Variants in ETV6 observed in about 807,000 individuals in gnomAD.
ETV6 encodes transcription factor ETV6.
In ETV6, 16 loss-of-function variants were observed where a neutral mutation model predicts 51.1. The observed-to-expected ratio is 0.31, with a 90% CI of 0.21 to 0.48. The LOEUF is 0.48. ETV6 is among the 20% of genes least tolerant of loss of function. The probability of loss-of-function intolerance (pLI) is 0.99; values close to 1 mark genes in which losing one functional copy is unlikely to be tolerated. For missense variants in ETV6, 458 were observed against 594.8 expected (o/e 0.77, Z 2.39); for synonymous variants, 240 against 224.1 (o/e 1.07, Z -0.64).
chr12:11,814,053 C>T (rs1051906765), intron 2 of ETV6, among the ~76,000 whole-genome samples: 1 of 152,102 alleles, frequency 6.6e-6, no homozygotes, highest in Non-Finnish European at 1.5e-5. Flanking sequence ...GGTAAAACCT[C>T]CATTATCTGA....
At chr12:11,868,781 G>A (rs1946829196) in intron 4 of ETV6, among the ~76,000 whole-genome samples, 1 of 152,132 alleles carries the variant, frequency 6.6e-6, no homozygotes, top group South Asian at 2.1e-4. Flanking sequence ...AAACCTGTAA[G>A]AACCCTTCCA....
At chr12:11,796,601 A>G (rs750254684) in intron 2 of ETV6, among the ~76,000 whole-genome samples, 2 of 152,158 alleles carry the variant, frequency 1.3e-5, no homozygotes, top group Non-Finnish European at 2.9e-5. Flanking sequence ...TCTTACTCTT[A>G]TACATCATCT....
intron 2 of ETV6, among the ~76,000 whole-genome samples, chr12:11,772,921 G>A (rs1387172502): frequency 2.0e-5 from 3 of 152,140 alleles, no homozygotes; most frequent in African/African-American, 7.2e-5. Flanking sequence ...TTGGCCAGGT[G>A]CAGTGGCTCA....
In ETV6 at chr12:11,649,814, G is replaced by C. The variant is rs1863853870; in HGVS notation, c.-314G>C. The stretch of plus-strand genomic sequence containing the variant: ...CGGGAGGGCGGGGGGCGGGGGCGCC[G>C]GCTGCGGGTGGGAGGAGAGACCGGG... On this transcript the variant is annotated 5_prime_UTR_variant, in exon 1 of 8. Transcript: ENST00000396373. The C allele has an allele frequency of 6.6e-6, 1 of 152,334 alleles. No homozygotes were observed. 9.4% of individuals were successfully genotyped at this position (152,334 alleles called of 1,614,324 possible).
intron 2 of ETV6, among the ~76,000 whole-genome samples, chr12:11,787,077 G>A (rs1292725781): frequency 6.6e-6 from 1 of 152,194 alleles, no homozygotes; most frequent in African/African-American, 2.4e-5. Context: ...GCCAAGTTTA[G>A]TATTTCAAAT....
At position 11,894,621 on chromosome 12, in the gene ETV6, G is replaced by C. The variant is rs1947364433; in HGVS notation, c.*3575G>C. 1 of 233,148 alleles carries C rather than the reference G, an allele frequency of 4.3e-6. No individual in the cohort carries two copies. Among genetic ancestry groups the C allele is most frequent in the African/African-American group, 2.2e-5 (1 of 45,344 alleles). 14.4% of individuals were successfully genotyped at this position (233,148 alleles called of 1,614,324 possible). A position where few individuals can be genotyped will look rare whatever the true frequency, so the allele number is the denominator to read the frequency against. On this transcript the variant is annotated 3_prime_UTR_variant, in exon 8 of 8. Coordinates refer to ENST00000396373, the MANE Select transcript of ETV6 (RefSeq NM_001987.5). ...TCCAAATGAGAATGTCGCTTTAGCT[G>C]AAATTCAAATGGCTGTGACAATTTA...
intron 5 of ETV6, among the ~76,000 whole-genome samples, chr12:11,882,545 G>A (rs1226695988): frequency 2.0e-5 from 3 of 152,154 alleles, no homozygotes; most frequent in African/African-American, 7.2e-5. Context: ...CTCATAAGGC[G>A]GCGTAAGGGT....
Position 11,751,276 on chromosome 12 carries a change from A to G in ETV6, c.34-1174A>G, listed in dbSNP as rs751639588. 106 of 512,278 alleles carry G rather than the reference A, an allele frequency of 2.1e-4. 2 individuals carry two copies. The highest frequency in any genetic ancestry group is 3.3e-4 in the Non-Finnish European group (85 of 256,150). 31.7% of individuals were successfully genotyped at this position (512,278 alleles called of 1,614,324 possible). The stretch of plus-strand genomic sequence containing the variant: ...TTGATGAGATGTAAAATGTTAAAGA[A>G]CTATCTTTCCAAAACGTAAACACTG... On this transcript the variant is annotated intron_variant, in intron 1 of 7. Transcript: ENST00000396373.
intron 1 of ETV6, among the ~76,000 whole-genome samples, chr12:11,671,643 A>G (rs1864317474): frequency 6.6e-6 from 1 of 152,214 alleles, no homozygotes; most frequent in Non-Finnish European, 1.5e-5. Flanking sequence ...TTAGAATAAC[A>G]GAATTTAGAC....
intron 3 of ETV6, among the ~76,000 whole-genome samples, chr12:11,844,559 A>G (rs1301186417): frequency 6.6e-6 from 1 of 152,222 alleles, no homozygotes; most frequent in Non-Finnish European, 1.5e-5. Context: ...AAATTGGCCT[A>G]TTAATTTCTA....
At chr12:11,858,565 T>C (rs1261984632) in intron 4 of ETV6, among the ~76,000 whole-genome samples, 1 of 152,172 alleles carries the variant, frequency 6.6e-6, no homozygotes, top group Non-Finnish European at 1.5e-5. Context: ...ATGCAGTCTG[T>C]AGGGAGAAGG....
chr12:11,688,692 C>T (rs192042498), intron 1 of ETV6, among the ~76,000 whole-genome samples: 37 of 152,272 alleles, frequency 2.4e-4, no homozygotes, highest in Non-Finnish European at 4.3e-4. Flanking sequence ...TTAGGGCAAC[C>T]GTAGAAACCC....
chr12:11,690,773 G>A (rs1864740216), intron 1 of ETV6, among the ~76,000 whole-genome samples: 1 of 151,888 alleles, frequency 6.6e-6, no homozygotes, highest in Non-Finnish European at 1.5e-5. Flanking sequence ...GGTAGTCCCA[G>A]CTACTCGGGA....
chr12:11,780,803 TGA>T (rs1945403165), intron 2 of ETV6, among the ~76,000 whole-genome samples: 1 of 152,254 alleles, frequency 6.6e-6, no homozygotes. Flanking sequence ...ATGTGGATGC[TGA>T]GCAGACAAAA....
chr12:11,662,370 A>G lies in ETV6; in HGVS notation c.33+12210A>G, dbSNP rs565709265. On this transcript the variant is annotated intron_variant, in intron 1 of 7. Transcript: ENST00000396373. ...AGAGGTGGGCCCAGTGGCACAAATC[A>G]CTAACATTCTTCTGACAGTCACTAG... Among the ~76,000 whole-genome samples, 4 of 152,350 alleles carry G rather than the reference A, an allele frequency of 2.6e-5. No individual in the cohort carries two copies. The South Asian group carries it at 8.3e-4, about 32-fold the overall frequency.
intron 2 of ETV6, among the ~76,000 whole-genome samples, chr12:11,772,077 A>G (rs1003112881): frequency 1.3e-5 from 2 of 152,238 alleles, no homozygotes; most frequent in Non-Finnish European, 2.9e-5. Context: ...TTCCTACACC[A>G]TCAAAGGTAT....
intron 1 of ETV6, among the ~76,000 whole-genome samples, chr12:11,728,898 G>A (rs950169212): frequency 2.0e-5 from 3 of 152,088 alleles, no homozygotes; most frequent in African/African-American, 4.8e-5. Context: ...GTCTTTAGCC[G>A]TATACCTACA....
At chr12:11,759,473 G>C (rs1945051741) in intron 2 of ETV6, among the ~76,000 whole-genome samples, 1 of 152,160 alleles carries the variant, frequency 6.6e-6, no homozygotes, top group East Asian at 1.9e-4. Flanking sequence ...CTTTATTCTA[G>C]ACTCAACACT....
intron 1 of ETV6, among the ~76,000 whole-genome samples, chr12:11,734,705 T>A (rs75116073): frequency 0.067 from 10,190 of 152,196 alleles, 870 homozygotes; most frequent in African/African-American, 0.2. Flanking sequence ...CAGAATCTTA[T>A]GCAGTAGGGC....
Sources: allele counts gnomAD v4.1 joint callset (sites outside exome capture counted in the v4.1 genomes callset), GRCh38; gene constraint gnomAD v4.1.1; transcripts MANE v1.5; gene names NCBI Gene and HGNC (gene_info 2026-07-23, HGNC 2026-07-21).